SLCO3A1: variants seen among roughly 807,000 people sequenced by gnomAD.
SLCO3A1 encodes solute carrier organic anion transporter family member 3A1.
Under a neutral mutation model 63.1 loss-of-function variants are expected in SLCO3A1, and 27 were observed. The ratio of observed to expected loss-of-function variants is 0.43; its 90% CI spans 0.32 to 0.59. SLCO3A1 has a LOEUF of 0.59. Among genes scored for constraint, SLCO3A1 ranks in the 20% least tolerant of loss-of-function variants. The pLI, the probability that SLCO3A1 is intolerant of heterozygous loss-of-function variation, is 0.09. For synonymous variants in SLCO3A1, 473 were observed against 409.9 expected (o/e 1.15, Z -1.86); for missense variants, 773 against 945.8 (o/e 0.82, Z 2.40).
At chr15:91,889,921 C>G (rs1897829610) in intron 1 of SLCO3A1, among the ~76,000 whole-genome samples, 1 of 151,898 alleles carries the variant, frequency 6.6e-6, no homozygotes, top group Non-Finnish European at 1.5e-5. Context: ...TCCGCGTATC[C>G]TAGACTGAGT....
chr15:92,046,614 G>A (rs561933374), intron 2 of SLCO3A1, among the ~76,000 whole-genome samples: 1 of 152,066 alleles, frequency 6.6e-6, no homozygotes, highest in African/African-American at 2.4e-5. Context: ...CTGAAGTGCA[G>A]TACAGGCTGC....
Position 91,853,876 on chromosome 15 carries a change from AGCGGCG to A in SLCO3A1, c.-13_-8del, listed in dbSNP as rs368016879. ...CACCCGGGGCGAGCGGGAAAGCGGC[AGCGGCG>A]GCGGCGGCGGCGGCGGCGGGGGAAG... On this transcript the variant is annotated 5_prime_UTR_variant, in exon 1 of 10. Transcript: ENST00000318445. 141 of 1,290,502 alleles carry A rather than the reference AGCGGCG, an allele frequency of 1.1e-4. No individual in the cohort carries two copies. The highest frequency in any genetic ancestry group is 4.0e-4 in the South Asian group (18 of 45,388). 79.9% of individuals were successfully genotyped at this position (1,290,502 alleles called of 1,614,324 possible).
chr15:91,860,946 G>A lies in SLCO3A1; in HGVS notation c.180+6858G>A, dbSNP rs1011774071. On this transcript the variant is annotated intron_variant, in intron 1 of 9. Transcript: ENST00000318445. The surrounding 1 kb of genome is among the most constrained non-coding windows in gnomAD (Gnocchi z 5.5). ...CCCATCCCATGGATTCATCCATCTC[G>A]GCTTACGGACATACCTTCTGCACAA... 3.9e-5 allele frequency among the ~76,000 whole-genome samples: 6 copies of A among 152,200 alleles called. No individual in the cohort carries two copies. The highest frequency in any genetic ancestry group is 2.1e-4 in the South Asian group (1 of 4,820).
chr15:91,909,744 A>G (rs751790465), intron 1 of SLCO3A1, among the ~76,000 whole-genome samples: 3 of 152,110 alleles, frequency 2.0e-5, no homozygotes, highest in Non-Finnish European at 2.9e-5. Context: ...AGCGCTCCAG[A>G]CTGAGCCAGG....
chr15:91,854,149 C>T lies in SLCO3A1; in HGVS notation c.180+61C>T, dbSNP rs991003718. ...CCCCAGCCCGGCTCTCGAGCGGCCG[C>T]CTGGCCCGACGAGGGGGCCGCCCGG... On this transcript the variant is annotated intron_variant, in intron 1 of 9. Transcript: ENST00000318445. The surrounding 1 kb of genome is among the most constrained non-coding windows in gnomAD (Gnocchi z 6.4). The T allele has an allele frequency of 1.5e-6, 2 of 1,307,022 alleles. No homozygotes were observed. The highest frequency in any genetic ancestry group is 3.1e-5 in the African/African-American group (2 of 64,446). The allele number at this position is 1,307,022 out of a possible 1,614,324, so 81.0% of individuals were successfully genotyped here.
At chr15:92,039,960 A>G (rs2046777604) in intron 2 of SLCO3A1, among the ~76,000 whole-genome samples, 1 of 152,232 alleles carries the variant, frequency 6.6e-6, no homozygotes, top group African/African-American at 2.4e-5. Context: ...AACATAACAC[A>G]GGAACAGGAA....
chr15:92,134,430 T>C (rs1305726189), intron 7 of SLCO3A1, among the ~76,000 whole-genome samples: 1 of 152,186 alleles, frequency 6.6e-6, no homozygotes, highest in East Asian at 1.9e-4. Context: ...ATGTTTACTA[T>C]AAAATGAGAT....
Position 92,033,030 on chromosome 15 carries a change from T to G in SLCO3A1, c.647-61851T>G, listed in dbSNP as rs1357907716. ...TGGATTTAGCTGGTAGTGTGGGATGTGGGTTTAGCACTTAGAGCATGGATC... is the reference window on the plus strand; with the variant it reads ...TGGATTTAGCTGGTAGTGTGGGATGGGGGTTTAGCACTTAGAGCATGGATC... On this transcript the variant is annotated intron_variant, in intron 2 of 9. Coordinates refer to ENST00000318445, the MANE Select transcript of SLCO3A1 (RefSeq NM_013272.4). The surrounding 1 kb of genome is among the most constrained non-coding windows in gnomAD (Gnocchi z 4.5). Among the ~76,000 whole-genome samples the G allele has an allele frequency of 6.6e-6, 1 of 152,112 alleles. No individual in the cohort carries two copies. Among genetic ancestry groups the G allele is most frequent in the African/African-American group, 2.4e-5 (1 of 41,424 alleles).
intron 9 of SLCO3A1, among the ~76,000 whole-genome samples, chr15:92,159,388 G>T (rs2048409213): frequency 6.6e-6 from 1 of 151,996 alleles, no homozygotes; most frequent in East Asian, 1.9e-4. Context: ...GGGAGACTGA[G>T]GCAGGAAAAT....
intron 7 of SLCO3A1, among the ~76,000 whole-genome samples, chr15:92,144,314 GCTTGAATA>G (rs146221130): frequency 0.02 from 3,038 of 152,264 alleles, 107 homozygotes; most frequent in African/African-American, 0.069. Flanking sequence ...TTGACTTCAG[GCTTGAATA>G]CCATGGTCCA....
intron 2 of SLCO3A1, among the ~76,000 whole-genome samples, chr15:91,974,081 T>C (rs1309853090): frequency 6.6e-6 from 1 of 151,922 alleles, no homozygotes; most frequent in African/African-American, 2.4e-5. Flanking sequence ...TCCCTGGACC[T>C]AAGAAACCAG....
intron 1 of SLCO3A1, among the ~76,000 whole-genome samples, chr15:91,876,505 G>T (rs1208645417): frequency 6.6e-6 from 1 of 152,222 alleles, no homozygotes; most frequent in Non-Finnish European, 1.5e-5. Context: ...CAGGGGTCAA[G>T]CAGGTGTTTT....
At chr15:92,071,284 C>T (rs1596074765) in intron 2 of SLCO3A1, among the ~76,000 whole-genome samples, 1 of 152,158 alleles carries the variant, frequency 6.6e-6, no homozygotes, top group Admixed American at 6.5e-5. Context: ...AGACAGGTTG[C>T]CCAAGCCTGG....
At chr15:91,911,579 C>T (rs910670997) in intron 1 of SLCO3A1, among the ~76,000 whole-genome samples, 1 of 152,048 alleles carries the variant, frequency 6.6e-6, no homozygotes, top group Non-Finnish European at 1.5e-5. Flanking sequence ...GGGTATCAGA[C>T]GCATATCTAT....
At chr15:92,069,286 G>C (rs1180753551) in intron 2 of SLCO3A1, among the ~76,000 whole-genome samples, 1 of 152,190 alleles carries the variant, frequency 6.6e-6, no homozygotes, top group Non-Finnish European at 1.5e-5. Flanking sequence ...CATGTCAGTA[G>C]TGCTGAGGTT....
At chr15:92,046,845 T>G (rs558320993) in intron 2 of SLCO3A1, among the ~76,000 whole-genome samples, 3 of 149,680 alleles carry the variant, frequency 2.0e-5, no homozygotes, top group Non-Finnish European at 4.4e-5. Context: ...AGGCAGGTGT[T>G]TCTCAGACTG....
At chr15:92,051,747 C>T (rs547389350) in intron 2 of SLCO3A1, among the ~76,000 whole-genome samples, 1 of 152,168 alleles carries the variant, frequency 6.6e-6, no homozygotes, top group South Asian at 2.1e-4. Context: ...AAGGAACAGC[C>T]GTGAAATCAG....
At chr15:91,949,771 A>G (rs1311111477) in intron 2 of SLCO3A1, among the ~76,000 whole-genome samples, 1 of 151,828 alleles carries the variant, frequency 6.6e-6, no homozygotes, top group Non-Finnish European at 1.5e-5. Context: ...TCAAGGCAGG[A>G]GGATCGCTTG....
At chr15:92,041,488 G>A (rs906584362) in intron 2 of SLCO3A1, among the ~76,000 whole-genome samples, 3 of 152,198 alleles carry the variant, frequency 2.0e-5, no homozygotes, top group African/African-American at 7.2e-5. Context: ...TTTTTTGTAT[G>A]CTGTGAATTC....
Sources: gnomAD v4.1 joint callset for allele counts (sites outside exome capture counted in the v4.1 genomes callset) on GRCh38, gnomAD v4.1.1 for gene constraint, Gnocchi (gnomAD v3.1) non-coding constraint, MANE v1.5 for transcripts, NCBI Gene and HGNC (gene_info 2026-07-23, HGNC 2026-07-21) for gene names.